MOCOS: variants seen among roughly 807,000 people sequenced by gnomAD.
The protein encoded by MOCOS is human molybdenum cofactor sulfurase.
In MOCOS, 86 loss-of-function variants were observed where a neutral mutation model predicts 83.6. The ratio of observed to expected loss-of-function variants is 1.03; its 90% CI spans 0.86 to 1.23. The LOEUF (loss-of-function observed/expected upper bound fraction) is 1.23. MOCOS is among the 50% of genes most tolerant of loss of function. MOCOS has a pLI of 0.00. For synonymous variants in MOCOS, 445 were observed against 434.7 expected, an observed-to-expected ratio of 1.02 and a Z score of -0.29; for missense variants, 1,120 against 1,126.9, an observed-to-expected ratio of 0.99 and a Z score of 0.09.
At chr18:36,243,170 T>C (rs1317127348) in intron 9 of MOCOS, among the ~76,000 whole-genome samples, 1 of 152,164 alleles carries the variant, frequency 6.6e-6, no homozygotes, top group Non-Finnish European at 1.5e-5. Flanking sequence ...TGGGAGCTTT[T>C]TGGATGAGTC....
chr18:36,257,122 C>G, intron 12 of MOCOS, 49 bp downstream of exon 12: 1 of 1,517,272 alleles, frequency 6.6e-7, no homozygotes, highest in Non-Finnish European at 9.2e-7. Context: ...CCATTTGCCA[C>G]TGGGAGCAGG....
rs1316403408 is a variant in MOCOS at position 36,266,816 on chromosome 18, A to G, written c.2477A>G (p.His826Arg). ...CAGCAAACTGGGCAACGAAACCAGC[A>G]TGTTTTCCAAAAACTTTCTGAGAGT... ...IDQQTGQRNQHVFQKLSESRE... is the reference protein window; with the variant it reads ...IDQQTGQRNQRVFQKLSESRE... Residue 826 changes from histidine (H) to arginine (R), a missense_variant, in exon 14 of 15, where the codon CAT (histidine) becomes CGT (arginine). His to Arg is a conservative substitution (Grantham distance 29, BLOSUM62 0). Transcript: ENST00000261326. The G allele has an allele frequency of 6.2e-7, 1 of 1,614,038 alleles. No individual in the cohort carries two copies. Among genetic ancestry groups the G allele is most frequent in the East Asian group, 2.2e-5 (1 of 44,890 alleles).
intron 9 of MOCOS, among the ~76,000 whole-genome samples, chr18:36,224,601 T>A (rs117810889): frequency 0.023 from 3,573 of 152,342 alleles, 63 homozygotes; most frequent in Non-Finnish European, 0.037. Context: ...GATTTTCATA[T>A]GTTGAATCAT....
chr18:36,220,836 G>C (rs2091493401), intron 9 of MOCOS, among the ~76,000 whole-genome samples: 1 of 152,070 alleles, frequency 6.6e-6, no homozygotes, highest in Admixed American at 6.5e-5. Context: ...GGCTGAGGCA[G>C]GAGTATCGCT....
intron 9 of MOCOS, among the ~76,000 whole-genome samples, chr18:36,227,999 C>T (rs1482230842): frequency 6.6e-6 from 1 of 151,884 alleles, no homozygotes; most frequent in African/African-American, 2.4e-5. Flanking sequence ...AAGAAACAAC[C>T]CCATAAAAAG....
intron 11 of MOCOS, chr18:36,256,706 T>G (rs2091642861): frequency 2.5e-6 from 1 of 399,642 alleles, no homozygotes; most frequent in Non-Finnish European, 4.8e-6. Flanking sequence ...CACCTCAGCC[T>G]CCCAAAGTGC....
chr18:36,196,753 T>G (rs2091389425), intron 2 of MOCOS, among the ~76,000 whole-genome samples: 1 of 151,832 alleles, frequency 6.6e-6, no homozygotes, highest in African/African-American at 2.4e-5. Flanking sequence ...GTGGTAATGA[T>G]GCAGCGCTAA....
chr18:36,208,685 C>T (rs2091443183), intron 6 of MOCOS, among the ~76,000 whole-genome samples: 1 of 152,084 alleles, frequency 6.6e-6, no homozygotes, highest in African/African-American at 2.4e-5. Context: ...GTTCTAGGAG[C>T]CTTTGGGCAG....
intron 5 of MOCOS, among the ~76,000 whole-genome samples, chr18:36,204,059 T>C (rs1401999835): frequency 6.6e-6 from 1 of 152,192 alleles, no homozygotes; most frequent in Non-Finnish European, 1.5e-5. Flanking sequence ...TTTTAAAAAA[T>C]AAAAATTGTG....
chr18:36,217,541 A>G (rs2091480050), intron 8 of MOCOS, among the ~76,000 whole-genome samples: 1 of 152,110 alleles, frequency 6.6e-6, no homozygotes, highest in African/African-American at 2.4e-5. Context: ...CTTCTTCAGC[A>G]GACAGCTGGC....
chr18:36,257,855 A>G (rs1357388713), intron 12 of MOCOS, among the ~76,000 whole-genome samples: 1 of 152,192 alleles, frequency 6.6e-6, no homozygotes, highest in Non-Finnish European at 1.5e-5. Flanking sequence ...GTACACACAC[A>G]TACATATTTG....
intron 9 of MOCOS, among the ~76,000 whole-genome samples, chr18:36,227,598 G>A (rs913839664): frequency 7.9e-5 from 12 of 152,036 alleles, no homozygotes; most frequent in Admixed American, 5.2e-4. Flanking sequence ...GTTTCACCAC[G>A]TTGGCCAGGC....
intron 6 of MOCOS, among the ~76,000 whole-genome samples, chr18:36,211,530 C>G (rs72890629): frequency 6.6e-6 from 1 of 152,202 alleles, no homozygotes; most frequent in Non-Finnish European, 1.5e-5. Flanking sequence ...GGCACAAAGG[C>G]TCCCGGGCTG....
Position 36,203,150 on chromosome 18 carries a change from G to C in MOCOS, c.979G>C (p.Ala327Pro). Residue 327 changes from alanine (A) to proline (P), a missense_variant, in exon 5 of 15, where the codon GCG becomes CCG. Transcript: ENST00000261326. ...CACCATCTCATTCCTTGATGTTATCGCGCTAAAACATGGATTTGACACCCT... is the reference window on the plus strand; with the variant it reads ...CACCATCTCATTCCTTGATGTTATCCCGCTAAAACATGGATTTGACACCCT... ...DGTISFLDVI[A>P]LKHGFDTLER... 6.2e-7 allele frequency: 1 copy of C among 1,614,084 alleles called. No individual in the cohort carries two copies. Among genetic ancestry groups the C allele is most frequent in the Non-Finnish European group, 8.5e-7 (1 of 1,180,016 alleles).
In MOCOS at chr18:36,200,220, T is replaced by A; in HGVS notation, c.837T>A (p.Asn279Lys). ...PTGLGALLVH[N>K]RAAPLLRKTY... ...GCCTGGGCGCTCTGCTGGTCCATAA[T>A]CGTGCGGCTCCTCTACTGAGGAAGA... The change falls in exon 4 of 15, where the codon AAT becomes AAA. Residue 279 changes from asparagine (N) to lysine (K), a missense_variant. Transcript: ENST00000261326. 1 of 1,614,222 alleles carries A rather than the reference T, an allele frequency of 6.2e-7. No homozygotes were observed. Among genetic ancestry groups the A allele is most frequent in the Non-Finnish European group, 8.5e-7 (1 of 1,180,048 alleles).
At chr18:36,237,209 C>T (rs2091562821) in intron 9 of MOCOS, among the ~76,000 whole-genome samples, 1 of 146,034 alleles carries the variant, frequency 6.8e-6, no homozygotes, top group Non-Finnish European at 1.5e-5. Context: ...CTGTCTTGTG[C>T]CAGTTTTCAA....
chr18:36,196,514 C>T (rs763939755), intron 2 of MOCOS, among the ~76,000 whole-genome samples: 13 of 152,020 alleles, frequency 8.6e-5, no homozygotes, highest in East Asian at 1.9e-4. Context: ...CAGAGTGCCT[C>T]GATTCAGGAT....
At chr18:36,262,833 G>T (rs953235612) in intron 13 of MOCOS, among the ~76,000 whole-genome samples, 3 of 152,344 alleles carry the variant, frequency 2.0e-5, no homozygotes, top group East Asian at 3.9e-4. Flanking sequence ...GCTTGGCTGG[G>T]CACAGTGGCT....
At chr18:36,229,512 G>A (rs150433074) in intron 9 of MOCOS, among the ~76,000 whole-genome samples, 4 of 152,036 alleles carry the variant, frequency 2.6e-5, no homozygotes, top group African/African-American at 9.7e-5. Flanking sequence ...GGTATCTGTT[G>A]GGCTTTTTGA....
Sources: allele counts gnomAD v4.1 joint callset (sites outside exome capture counted in the v4.1 genomes callset), GRCh38; gene constraint gnomAD v4.1.1; transcripts MANE v1.5; gene names NCBI Gene and HGNC (gene_info 2026-07-23, HGNC 2026-07-21).